KIF26B: variants seen among roughly 807,000 people sequenced by gnomAD.
KIF26B encodes the protein kinesin family member 26B, also known as kinesin-like protein KIF26B.
Under a neutral mutation model 151.2 loss-of-function variants are expected in KIF26B, and 63 were observed. The ratio of observed to expected loss-of-function variants is 0.42; its 90% CI spans 0.34 to 0.51. KIF26B has a LOEUF of 0.51. Among genes scored for constraint, KIF26B ranks in the 20% least tolerant of loss-of-function variants. KIF26B has a pLI of 0.07. For synonymous variants in KIF26B, 1,357 were observed against 1,262.1 expected (o/e 1.08, Z -1.59); for missense variants, 2,813 against 2,913.6 (o/e 0.97, Z 0.79).
chr1:245,439,801 G>A (rs1558166324), intron 4 of KIF26B, among the ~76,000 whole-genome samples: 4 of 152,170 alleles, frequency 2.6e-5, no homozygotes, highest in African/African-American at 9.7e-5. Flanking sequence ...TTCAGCCTAA[G>A]ATCACCAGGA....
At chr1:245,568,322 C>T (rs2043032022) in intron 5 of KIF26B, among the ~76,000 whole-genome samples, 1 of 151,728 alleles carries the variant, frequency 6.6e-6, no homozygotes, top group Non-Finnish European at 1.5e-5. Context: ...TCAGCCTGGG[C>T]AACAGAGTGA....
rs767436618 is a variant in KIF26B, at chr1:245,686,015, C to T, written c.3032C>T (p.Ala1011Val). 39 of 1,591,230 alleles carry T rather than the reference C, an allele frequency of 2.5e-5. No homozygotes were observed. In the Middle Eastern group the frequency reaches 1.3e-3, roughly 54 times the overall value. The change falls in exon 12 of 15, where the codon GCG (alanine) becomes GTG (valine). Residue 1011 changes from alanine (A) to valine (V), a missense_variant. Coordinates refer to ENST00000407071, the MANE Select transcript of KIF26B (RefSeq NM_018012.4). The surrounding 1 kb of genome is among the most constrained non-coding windows in gnomAD (Gnocchi z 5.6). Reference protein sequence around the residue: ...MQRSHSPVPAAAPAHSPSPAS... With the variant: ...MQRSHSPVPAVAPAHSPSPAS... ...AGGAGTCACTCACCTGTGCCCGCCGCGGCACCCGCCCACAGCCCCAGCCCG... is the reference window on the plus strand; with the variant it reads ...AGGAGTCACTCACCTGTGCCCGCCGTGGCACCCGCCCACAGCCCCAGCCCG...
chr1:245,602,859 A>C lies in KIF26B; in HGVS notation c.1557+76A>C. On this transcript the variant is annotated intron_variant, in intron 6 of 14. Coordinates refer to ENST00000407071, the MANE Select transcript of KIF26B (RefSeq NM_018012.4). This position sits in a 1 kb window ranked among gnomAD's most constrained non-coding sequence, Gnocchi z 4.5. ...GTTTACTCATTCACAAGGGCCCTTG[A>C]GCTGGGAGGGTGTCTTCTGGAGCAT... 1 of 1,365,334 alleles carries C rather than the reference A, an allele frequency of 7.3e-7. No individual in the cohort carries two copies. Among genetic ancestry groups the C allele is most frequent in the Admixed American group, 1.7e-5 (1 of 59,266 alleles). The allele number at this position is 1,365,334 out of a possible 1,614,324, so 84.6% of individuals were successfully genotyped here.
intron 2 of KIF26B, among the ~76,000 whole-genome samples, chr1:245,265,021 A>G (rs1439369618): frequency 6.6e-6 from 1 of 151,108 alleles, no homozygotes; most frequent in East Asian, 1.9e-4. Context: ...AACACGGTGA[A>G]ACCCCGTCTC....
intron 2 of KIF26B, among the ~76,000 whole-genome samples, chr1:245,288,809 T>C (rs1408414284): frequency 6.6e-6 from 1 of 152,198 alleles, no homozygotes; most frequent in Non-Finnish European, 1.5e-5. Context: ...TTTCCTAAAA[T>C]ATTTCTTTTT....
intron 2 of KIF26B, among the ~76,000 whole-genome samples, chr1:245,265,343 C>T (rs1033819316): frequency 2.6e-5 from 4 of 151,902 alleles, no homozygotes; most frequent in East Asian, 1.9e-4. Flanking sequence ...TAGACTTCTA[C>T]GTAAGGAAAC....
chr1:245,246,946 G>GAC (rs55885165), intron 2 of KIF26B, among the ~76,000 whole-genome samples: 8,189 of 143,902 alleles, frequency 0.057, 309 homozygotes, highest in African/African-American at 0.11. Context: ...CACAGATACA[G>GAC]ACACACACAC....
intron 10 of KIF26B, among the ~76,000 whole-genome samples, chr1:245,672,332 T>C (rs1295555828): frequency 6.6e-6 from 1 of 152,092 alleles, no homozygotes; most frequent in Non-Finnish European, 1.5e-5. Context: ...TGTTTTAAGC[T>C]TCACGCTGCT....
At chr1:245,679,457 G>GTTTTTTTTTTTTTTTTTTTTTTTTTTTTT (rs35663208) in intron 10 of KIF26B, among the ~76,000 whole-genome samples, 1 of 59,176 alleles carries the variant, frequency 1.7e-5, no homozygotes, top group African/African-American at 6.0e-5. Context: ...TTTTGTGTGT[G>GTTTTTTTTTTTTTTTTTTTTTTTTTTTTT]TTTTTTTTTT....
intron 4 of KIF26B, among the ~76,000 whole-genome samples, chr1:245,490,385 C>T (rs1428223808): frequency 2.1e-5 from 3 of 145,382 alleles, no homozygotes; most frequent in Admixed American, 7.2e-5. Context: ...GATCTCGGCT[C>T]ACTGCAACCT....
chr1:245,327,754 C>A (rs1046947513), intron 2 of KIF26B, among the ~76,000 whole-genome samples: 1 of 152,178 alleles, frequency 6.6e-6, no homozygotes, highest in African/African-American at 2.4e-5. Context: ...ATGACTGCAA[C>A]ACATGGACAT....
Position 245,698,169 on chromosome 1 carries a change from C to T in KIF26B, c.5888C>T (p.Pro1963Leu). ...GACACCTCTTCCCCTGTGAGAAAAC[C>T]CCCCAACAGCACAGGCGTCCGCTGG... ...SLDTSSPVRK[P>L]PNSTGVRWVD... Residue 1963 changes from proline (P) to leucine (L), a missense_variant, in exon 13 of 15, where the codon CCC (proline) becomes CTC (leucine). Pro to Leu is a moderately conservative substitution (Grantham distance 98, BLOSUM62 -3). Transcript: ENST00000407071. The surrounding 1 kb of genome is among the most constrained non-coding windows in gnomAD (Gnocchi z 4.0). 3 of 1,614,032 alleles carry T rather than the reference C, an allele frequency of 1.9e-6. No individual in the cohort carries two copies. In the African/African-American group the frequency reaches 4.0e-5, roughly 22 times the overall value.
intron 2 of KIF26B, among the ~76,000 whole-genome samples, chr1:245,314,881 T>A (rs754564616): frequency 5.9e-5 from 9 of 152,188 alleles, no homozygotes; most frequent in Admixed American, 2.0e-4. Flanking sequence ...ATTATGTACT[T>A]AAATTATTTG....
chr1:245,638,585 T>C (rs888338725), intron 9 of KIF26B, among the ~76,000 whole-genome samples: 5 of 151,900 alleles, frequency 3.3e-5, no homozygotes, highest in Admixed American at 6.6e-5. Context: ...GTGAAAGGTT[T>C]TCTATTTTAA....
chr1:245,459,429 C>T (rs1659603536), intron 4 of KIF26B, among the ~76,000 whole-genome samples: 1 of 152,180 alleles, frequency 6.6e-6, no homozygotes, highest in Admixed American at 6.5e-5. Context: ...TCTAACCTGC[C>T]TGCAGACCAG....
chr1:245,384,026 C>T (rs1673480401), intron 3 of KIF26B, among the ~76,000 whole-genome samples: 1 of 152,236 alleles, frequency 6.6e-6, no homozygotes, highest in African/African-American at 2.4e-5. Flanking sequence ...ATTCCCTCTT[C>T]TGCCACTTTC....
chr1:245,393,128 G>A (rs542180169), intron 3 of KIF26B, among the ~76,000 whole-genome samples: 6 of 152,152 alleles, frequency 3.9e-5, no homozygotes, highest in South Asian at 4.2e-4. Flanking sequence ...CCAAGATCCC[G>A]CCACTGCACT....
chr1:245,461,642 C>T lies in KIF26B; in HGVS notation c.1166+41897C>T, dbSNP rs531689236. Among the ~76,000 whole-genome samples the T allele has an allele frequency of 6.5e-4, 99 of 152,226 alleles. 1 individual carries two copies. The highest frequency in any genetic ancestry group is 3.4e-3 in the Middle Eastern group (1 of 294). ...TCACCAGGACCCATCAGAGCTTCCC[C>T]GGGGATGCTGCCCTGTGGTTCTCGG... On this transcript the variant is annotated intron_variant, in intron 4 of 14. Transcript: ENST00000407071.
rs1166040223 is a variant in KIF26B, at chr1:245,640,143, C to CTATA, written c.2099-5963_2099-5960dup. On this transcript the variant is annotated intron_variant, in intron 9 of 14. Transcript: ENST00000407071. ...ATTTGCTCTCTCTCTCTCTCTCTCT[C>CTATA]TATATATATATATATATACCCTGCT... Among the ~76,000 whole-genome samples the CTATA allele has an allele frequency of 1.9e-4, 6 of 31,906 alleles. 1 individual carries two copies. The highest frequency in any genetic ancestry group is 2.5e-3 in the South Asian group (2 of 788). 20.9% of individuals were successfully genotyped at this position (31,906 alleles called of 152,430 possible).
Sources: allele counts gnomAD v4.1 joint callset (sites outside exome capture counted in the v4.1 genomes callset), GRCh38; gene constraint gnomAD v4.1.1; non-coding constraint Gnocchi (gnomAD v3.1); transcripts MANE v1.5; gene names NCBI Gene and HGNC (gene_info 2026-07-23, HGNC 2026-07-21).